HNRNPH3: variants seen among roughly 807,000 people sequenced by gnomAD.
HNRNPH3 encodes heterogeneous nuclear ribonucleoprotein H3, also known as heterogeneous nuclear ribonucleoprotein 2H9.
Under a neutral mutation model 47.0 loss-of-function variants are expected in HNRNPH3, and 7 were observed. The ratio of observed to expected loss-of-function variants is 0.15; its 90% CI spans 0.08 to 0.28. HNRNPH3 has a LOEUF of 0.28. Among genes scored for constraint, HNRNPH3 ranks in the 10% least tolerant of loss-of-function variants. The pLI is 1.00. For synonymous variants in HNRNPH3, 120 were observed against 143.2 expected, an observed-to-expected ratio of 0.84 and a Z score of 1.16; for missense variants, 279 against 449.6, an observed-to-expected ratio of 0.62 and a Z score of 3.43.
At chr10:68,341,915 ATTAC>A (rs1343555099) in intron 9 of HNRNPH3, 59 bp from the exon 10 acceptor site, 4 of 1,587,804 alleles carry the variant, frequency 2.5e-6, no homozygotes, top group African/African-American at 2.7e-5. Flanking sequence ...AAGTGCAGGT[ATTAC>A]TTTTATTATT....
At chr10:68,339,600 G>C in intron 6 of HNRNPH3, 45 bp downstream of exon 6, 1 of 1,198,790 alleles carries the variant, frequency 8.3e-7, no homozygotes, top group Non-Finnish European at 1.2e-6. Flanking sequence ...ACTTATCCTG[G>C]TGTCTAAATC....
chr10:68,337,900 A>G lies in HNRNPH3; in HGVS notation c.155A>G (p.Tyr52Cys). 6.2e-7 allele frequency: 1 copy of G among 1,613,722 alleles called. No homozygotes were observed. The highest frequency in any genetic ancestry group is 8.5e-7 in the Non-Finnish European group (1 of 1,179,674). The change falls in exon 3 of 10, where the codon TAC becomes TGC. Residue 52 changes from tyrosine to cysteine, a missense_variant. Physicochemically the swap from Tyr to Cys is radical, Grantham distance 194. Coordinates refer to ENST00000265866, the MANE Select transcript of HNRNPH3 (RefSeq NM_012207.3). The surrounding 1 kb of genome is among the most constrained non-coding windows in gnomAD (Gnocchi z 4.5). ...AATGGGATAACATTGACGATGGACTACCAGGGGAGAAGCACAGGGGAGGCC... is the reference window on the plus strand; with the variant it reads ...AATGGGATAACATTGACGATGGACTGCCAGGGGAGAAGCACAGGGGAGGCC... The part of the protein sequence containing the change: ...VPNGITLTMD[Y>C]QGRSTGEAFV...
rs761715695 is a variant in HNRNPH3, at chr10:68,341,199, G to A, written c.665G>A (p.Arg222Gln). 5.1e-6 allele frequency: 8 copies of A among 1,583,168 alleles called. No homozygotes were observed. Among genetic ancestry groups the A allele is most frequent in the South Asian group, 1.2e-5 (1 of 85,692 alleles). ...TTCTTCTCACCACTAAATCCAATAC[G>A]AGTTCATATTGATATTGGAGCTGAT... The part of the protein sequence containing the change: ...ANFFSPLNPI[R>Q]VHIDIGADGR... Residue 222 changes from arginine (R) to glutamine (Q), a missense_variant, in exon 7 of 10, where the codon CGA becomes CAA. Physicochemically the swap from Arg to Gln is conservative, Grantham distance 43. Coordinates refer to ENST00000265866, the MANE Select transcript of HNRNPH3 (RefSeq NM_012207.3).
Position 68,337,217 on chromosome 10 carries a change from T to C in HNRNPH3, c.-5T>C, listed in dbSNP as rs760523456. On this transcript the variant is annotated 5_prime_UTR_variant, in exon 2 of 10. Transcript: ENST00000265866. This position sits in a 1 kb window ranked among gnomAD's most constrained non-coding sequence, Gnocchi z 4.5. The stretch of plus-strand genomic sequence containing the variant: ...TTTATAGCATTTAAATCAAACGGTA[T>C]TGAGATGGATTGGGTTATGAAACAT... 1 of 1,547,210 alleles carries C rather than the reference T, an allele frequency of 6.5e-7. No homozygotes were observed. Among genetic ancestry groups the C allele is most frequent in the Non-Finnish European group, 8.9e-7 (1 of 1,119,570 alleles).
At chr10:68,335,222 TTC>T (rs2045478181) in intron 1 of HNRNPH3, among the ~76,000 whole-genome samples, 1 of 149,392 alleles carries the variant, frequency 6.7e-6, no homozygotes, top group South Asian at 2.2e-4. Context: ...AAATTAATTT[TTC>T]TTTTTCTTTT....
At chr10:68,335,719 C>T (rs2045513157) in intron 1 of HNRNPH3, among the ~76,000 whole-genome samples, 1 of 152,118 alleles carries the variant, frequency 6.6e-6, no homozygotes, top group Non-Finnish European at 1.5e-5. Flanking sequence ...AAATGCTTAC[C>T]ATGAGGCAGA....
In HNRNPH3 at chr10:68,333,537, G is replaced by A. The variant is rs78331000; in HGVS notation, c.-24+1321G>A. 7.7e-3 allele frequency among the ~76,000 whole-genome samples: 1,166 copies of A among 152,188 alleles called. 17 individuals carry two copies. Among genetic ancestry groups the A allele is most frequent in the African/African-American group, 0.027 (1,110 of 41,492 alleles). The stretch of plus-strand genomic sequence containing the variant: ...TGGTTTATTTTCTTTTGGTAGCTAG[G>A]CATGTTTTTTCTTTAGTGTAGGAGT... On this transcript the variant is annotated intron_variant, in intron 1 of 9. Transcript: ENST00000265866.
intron 4 of HNRNPH3, 26 bp from the exon 5 acceptor site, chr10:68,339,114 C>A: frequency 1.3e-6 from 2 of 1,532,626 alleles, no homozygotes; most frequent in South Asian, 2.3e-5. Flanking sequence ...AGTGTGTAGT[C>A]ATGTGTTTCT....
At chr10:68,338,786 TA>T in intron 4 of HNRNPH3, 99 bp downstream of exon 4, 3 of 1,010,372 alleles carry the variant, frequency 3.0e-6, no homozygotes, top group Non-Finnish European at 4.2e-6. Context: ...CAGTACCTAT[TA>T]GGTTTTAAAA....
chr10:68,336,129 AAT>A, intron 1 of HNRNPH3, among the ~76,000 whole-genome samples: 1 of 152,296 alleles, frequency 6.6e-6, no homozygotes, highest in Admixed American at 6.5e-5. Context: ...GTTGATACGA[AAT>A]ATGATCTTCA....
chr10:68,335,312 G>A (rs2045487236), intron 1 of HNRNPH3, among the ~76,000 whole-genome samples: 1 of 149,322 alleles, frequency 6.7e-6, no homozygotes, highest in African/African-American at 2.5e-5. Context: ...GATTAAGGTC[G>A]AATTTGCAGA....
Position 68,337,741 on chromosome 10 carries a change from A to C in HNRNPH3, c.113-117A>C. The C allele has an allele frequency of 2.0e-6, 1 of 507,264 alleles. No individual in the cohort carries two copies. The highest frequency in any genetic ancestry group is 3.2e-6 in the Non-Finnish European group (1 of 309,026). The allele number at this position is 507,264 out of a possible 1,614,324, so 31.4% of individuals were successfully genotyped here. On this transcript the variant is annotated intron_variant, in intron 2 of 9. Transcript: ENST00000265866. This position sits in a 1 kb window ranked among gnomAD's most constrained non-coding sequence, Gnocchi z 4.5. ...TGTATTATGGGGTGATGGGAAACTAAGCTTTTTTGTTTTGTTTTGTTTTGT... is the reference window on the plus strand; with the variant it reads ...TGTATTATGGGGTGATGGGAAACTACGCTTTTTTGTTTTGTTTTGTTTTGT...
chr10:68,337,811 C>CTTT lies in HNRNPH3; in HGVS notation c.113-46_113-44dup, dbSNP rs757042356. 1 of 1,532,200 alleles carries CTTT rather than the reference C, an allele frequency of 6.5e-7. No individual in the cohort carries two copies. The highest frequency in any genetic ancestry group is 9.0e-7 in the Non-Finnish European group (1 of 1,117,138). The allele number at this position is 1,532,200 out of a possible 1,614,324, so 94.9% of individuals were successfully genotyped here. A position where few individuals can be genotyped will look rare whatever the true frequency, so the allele number is the denominator to read the frequency against. On this transcript the variant is annotated intron_variant, in intron 2 of 9. Coordinates refer to ENST00000265866, the MANE Select transcript of HNRNPH3 (RefSeq NM_012207.3). This position sits in a 1 kb window ranked among gnomAD's most constrained non-coding sequence, Gnocchi z 4.5. Reference sequence around the variant, plus strand: ...TTGATTCAGATGGGAATGTTTCAGCCTTTAACACTGTTCCCCTTGATGGGG... The same window carrying CTTT: ...TTGATTCAGATGGGAATGTTTCAGCCTTTTTTAACACTGTTCCCCTTGATGGGG...
At position 68,338,478 on chromosome 10, in the gene HNRNPH3, T is replaced by C. The variant is rs752957043; in HGVS notation, c.252-25T>C. The C allele has an allele frequency of 5.3e-6, 8 of 1,501,670 alleles. No individual in the cohort carries two copies. The South Asian group carries it at 9.3e-5, about 18-fold the overall frequency. 93.0% of individuals were successfully genotyped at this position (1,501,670 alleles called of 1,614,324 possible). A position where few individuals can be genotyped will look rare whatever the true frequency, so the allele number is the denominator to read the frequency against. ...ACACTAATACATTTATGCTGAAACCTGTACCTTAAAACATTTTTAAATAGG... is the reference window on the plus strand; with the variant it reads ...ACACTAATACATTTATGCTGAAACCCGTACCTTAAAACATTTTTAAATAGG... On this transcript the variant is annotated intron_variant, in intron 3 of 9. Coordinates refer to ENST00000265866, the MANE Select transcript of HNRNPH3 (RefSeq NM_012207.3).
At chr10:68,340,170 G>A (rs2045806489) in intron 6 of HNRNPH3, among the ~76,000 whole-genome samples, 1 of 152,142 alleles carries the variant, frequency 6.6e-6, no homozygotes. Context: ...GAATAGCTGG[G>A]ATTACAGGGG....
chr10:68,337,419 G>T lies in HNRNPH3; in HGVS notation c.112+86G>T. On this transcript the variant is annotated intron_variant, in intron 2 of 9. Coordinates refer to ENST00000265866, the MANE Select transcript of HNRNPH3 (RefSeq NM_012207.3). The surrounding 1 kb of genome is among the most constrained non-coding windows in gnomAD (Gnocchi z 4.5). ...TGTTTTTAATTTGTAAAACCCATTT[G>T]ATTTTGGAACTTTTAAGTTTAACTA... 1.2e-6 allele frequency: 1 copy of T among 845,250 alleles called. No individual in the cohort carries two copies. The highest frequency in any genetic ancestry group is 1.6e-5 in the South Asian group (1 of 61,372). 52.4% of individuals were successfully genotyped at this position (845,250 alleles called of 1,614,324 possible). A position where few individuals can be genotyped will look rare whatever the true frequency, so the allele number is the denominator to read the frequency against.
chr10:68,338,656 A>G lies in HNRNPH3; in HGVS notation c.405A>G (p.Arg135=). 6.2e-7 allele frequency: 1 copy of G among 1,601,836 alleles called. No homozygotes were observed. The highest frequency in any genetic ancestry group is 1.3e-5 in the African/African-American group (1 of 74,454). The part of the protein sequence containing the change: ...YGAGRGSMYD[R]MRRGGDGYDG... ...CTGGGCGTGGAAGTATGTATGACAG[A>G]ATGCGACGAGGAGGTGATGGATATG... The change falls in exon 4 of 10, where the codon AGA becomes AGG. Residue 135 remains arginine, a synonymous_variant. Transcript: ENST00000265866.
At position 68,337,272 on chromosome 10, in the gene HNRNPH3, A is replaced by G; in HGVS notation, c.51A>G (p.Thr17=). 6.2e-7 allele frequency: 1 copy of G among 1,613,752 alleles called. No homozygotes were observed. Among genetic ancestry groups the G allele is most frequent in the Non-Finnish European group, 8.5e-7 (1 of 1,179,580 alleles). The stretch of plus-strand genomic sequence containing the variant: ...GTCCAAATGACGCTAGTGATGGGAC[A>G]GTACGACTTCGTGGACTACCATTTG... ...HNGPNDASDG[T]VRLRGLPFGC... Residue 17 remains threonine, a synonymous_variant, in exon 2 of 10, where the codon ACA becomes ACG. Coordinates refer to ENST00000265866, the MANE Select transcript of HNRNPH3 (RefSeq NM_012207.3). The surrounding 1 kb of genome is among the most constrained non-coding windows in gnomAD (Gnocchi z 4.5).
intron 1 of HNRNPH3, among the ~76,000 whole-genome samples, chr10:68,334,075 A>AAAC (rs57142548): frequency 0.11 from 16,742 of 152,208 alleles, 1,118 homozygotes; most frequent in South Asian, 0.24. Context: ...TTGTTTTGGT[A>AAAC]AACTGACTGA....
Sources: gnomAD v4.1 joint callset for allele counts (sites outside exome capture counted in the v4.1 genomes callset) on GRCh38, gnomAD v4.1.1 for gene constraint, Gnocchi (gnomAD v3.1) non-coding constraint, MANE v1.5 for transcripts, NCBI Gene and HGNC (gene_info 2026-07-23, HGNC 2026-07-21) for gene names.